Variants in HSD17B4 observed in about 807,000 individuals in gnomAD.
The protein encoded by HSD17B4 is peroxisomal multifunctional enzyme type 2.
Under a neutral mutation model 101.0 loss-of-function variants are expected in HSD17B4, and 70 were observed. The observed-to-expected ratio is 0.69, with a 90% CI of 0.57 to 0.85. The LOEUF is 0.85. Among genes scored for constraint, HSD17B4 ranks in the 40% least tolerant of loss-of-function variants. The pLI is 0.00. For synonymous variants in HSD17B4, 347 were observed against 297.1 expected, an observed-to-expected ratio of 1.17 and a Z score of -1.73; for missense variants, 984 against 892.4, an observed-to-expected ratio of 1.10 and a Z score of -1.31.
At chr5:119,515,895 A>G (rs1752573279) in intron 17 of HSD17B4, among the ~76,000 whole-genome samples, 1 of 152,194 alleles carries the variant, frequency 6.6e-6, no homozygotes. Flanking sequence ...GAGGATCAGG[A>G]AAAATAACTA....
intron 21 of HSD17B4, among the ~76,000 whole-genome samples, chr5:119,530,751 G>T (rs1312112006): frequency 6.8e-6 from 1 of 147,538 alleles, no homozygotes; most frequent in African/African-American, 2.5e-5. Context: ...TACTCAAGAA[G>T]CTGAAGCAGG....
At chr5:119,541,236 T>C (rs973008104) in intron 23 of HSD17B4, among the ~76,000 whole-genome samples, 2 of 152,162 alleles carry the variant, frequency 1.3e-5, no homozygotes, top group Non-Finnish European at 2.9e-5. Context: ...TACTCTCTTA[T>C]CACATGTCAA....
chr5:119,456,374 T>G lies in HSD17B4; in HGVS notation c.112+6T>G. The G allele has an allele frequency of 6.3e-7, 1 of 1,584,650 alleles. No individual in the cohort carries two copies. Among genetic ancestry groups the G allele is most frequent in the South Asian group, 1.1e-5 (1 of 90,428 alleles). ...AAGAGGAGCGTTAGTTGTTGGTAAG[T>G]TGGTGTGTTTTTCTTTTTAATCTGT... is the stretch of plus-strand genomic sequence containing the variant. On this transcript the variant is annotated splice_donor_region_variant and intron_variant, in intron 2 of 23. Coordinates refer to ENST00000510025, the MANE Select transcript of HSD17B4 (RefSeq NM_000414.4).
chr5:119,520,015 A>T (rs1752974183), intron 17 of HSD17B4, among the ~76,000 whole-genome samples: 1 of 152,142 alleles, frequency 6.6e-6, no homozygotes, highest in Non-Finnish European at 1.5e-5. Flanking sequence ...CATAGCACCC[A>T]TCGCCTTTAG....
intron 8 of HSD17B4, among the ~76,000 whole-genome samples, chr5:119,486,254 C>T (rs1010661235): frequency 2.6e-5 from 4 of 152,118 alleles, no homozygotes; most frequent in Non-Finnish European, 4.4e-5. Context: ...TCCTGTTGAT[C>T]ACACAGACTA....
At chr5:119,487,231 CTCT>C (rs1749690329) in intron 8 of HSD17B4, 1 of 142,354 alleles carries the variant, frequency 7.0e-6, no homozygotes, top group Non-Finnish European at 1.5e-5. Flanking sequence ...GCACTAGGGA[CTCT>C]TTTCTATTTT....
At chr5:119,495,388 C>G (rs181912499) in intron 11 of HSD17B4, among the ~76,000 whole-genome samples, 41 of 152,228 alleles carry the variant, frequency 2.7e-4, no homozygotes, top group African/African-American at 7.9e-4. Flanking sequence ...AAAAAATGAT[C>G]TTTTCGATAA....
intron 2 of HSD17B4, among the ~76,000 whole-genome samples, chr5:119,460,414 A>G (rs535984314): frequency 6.6e-6 from 1 of 152,250 alleles, no homozygotes; most frequent in East Asian, 1.9e-4. Flanking sequence ...TGAGCCGTAC[A>G]TGAAATACCC....
At position 119,493,878 on chromosome 5, in the gene HSD17B4, A is replaced by C. The variant is rs1235139153; in HGVS notation, c.800A>C (p.Glu267Ala). The change falls in exon 11 of 24, where the codon GAG (glutamate) becomes GCG (alanine). Residue 267 changes from glutamate (E) to alanine (A), a missense_variant. Transcript: ENST00000510025. Reference protein sequence around the residue: ...VRQKNHPMTPEAVKANWKKIC... With the variant: ...VRQKNHPMTPAAVKANWKKIC... ...CAAAAGAATCACCCAATGACTCCTG[A>C]GGCAGTCAAGGCTAACTGGAAGAAG... 6.2e-7 allele frequency: 1 copy of C among 1,612,672 alleles called. No homozygotes were observed. The highest frequency in any genetic ancestry group is 2.2e-5 in the East Asian group (1 of 44,858).
chr5:119,477,159 G>A (rs567948615), intron 6 of HSD17B4, among the ~76,000 whole-genome samples: 20 of 152,224 alleles, frequency 1.3e-4, no homozygotes, highest in African/African-American at 4.8e-4. Flanking sequence ...TAAGGGCGTA[G>A]CATTATATTT....
At chr5:119,484,847 C>T (rs1749471366) in intron 8 of HSD17B4, among the ~76,000 whole-genome samples, 1 of 152,066 alleles carries the variant, frequency 6.6e-6, no homozygotes, top group African/African-American at 2.4e-5. Context: ...TCCCCTGTTT[C>T]CTTGACAGCA....
intron 19 of HSD17B4, 33 bp downstream of exon 19, chr5:119,526,056 ACTTC>A (rs1753567328): frequency 2.6e-6 from 3 of 1,158,126 alleles, no homozygotes; most frequent in African/African-American, 1.5e-5. Context: ...TTTGAATATT[ACTTC>A]CTTTTTCTAT....
At chr5:119,539,556 A>G (rs1754812550) in intron 23 of HSD17B4, among the ~76,000 whole-genome samples, 1 of 152,026 alleles carries the variant, frequency 6.6e-6, no homozygotes, top group African/African-American at 2.4e-5. Flanking sequence ...CGCATTGTGC[A>G]CATGTACCCT....
chr5:119,489,503 G>T (rs1749906528), intron 9 of HSD17B4, among the ~76,000 whole-genome samples: 4 of 152,100 alleles, frequency 2.6e-5, no homozygotes, highest in Admixed American at 2.6e-4. Flanking sequence ...ATGAAAATGT[G>T]GCTGGTTTGA....
intron 17 of HSD17B4, among the ~76,000 whole-genome samples, chr5:119,517,119 G>A (rs1554067239): frequency 1.2e-4 from 18 of 152,220 alleles, no homozygotes; most frequent in Non-Finnish European, 2.5e-4. Flanking sequence ...AGGCGCTAGC[G>A]GGAACCGGGG....
chr5:119,455,812 G>A (rs1467828726), intron 1 of HSD17B4, among the ~76,000 whole-genome samples: 1 of 152,042 alleles, frequency 6.6e-6, no homozygotes, highest in East Asian at 1.9e-4. Flanking sequence ...TACCTCTGAG[G>A]CTGTCATTGG....
At chr5:119,512,524 T>A (rs1421682161) in intron 16 of HSD17B4, among the ~76,000 whole-genome samples, 2 of 150,708 alleles carry the variant, frequency 1.3e-5, no homozygotes, top group Admixed American at 1.3e-4. Flanking sequence ...ACAATGGAAG[T>A]CAGAAGATAG....
intron 16 of HSD17B4, among the ~76,000 whole-genome samples, chr5:119,512,788 T>A (rs1481009569): frequency 1.3e-5 from 2 of 151,968 alleles, no homozygotes; most frequent in African/African-American, 2.4e-5. Context: ...ATCTGTAGAG[T>A]CAGAAAGTAG....
At chr5:119,481,156 G>A (rs1749091532) in intron 8 of HSD17B4, among the ~76,000 whole-genome samples, 1 of 152,162 alleles carries the variant, frequency 6.6e-6, no homozygotes, top group South Asian at 2.1e-4. Flanking sequence ...GAAATCATAA[G>A]GGTATTGACT....
Sources: gnomAD v4.1 joint callset for allele counts (sites outside exome capture counted in the v4.1 genomes callset) on GRCh38, gnomAD v4.1.1 for gene constraint, MANE v1.5 for transcripts, NCBI Gene and HGNC (gene_info 2026-07-23, HGNC 2026-07-21) for gene names.